Variants in BIRC6 observed in about 807,000 individuals in gnomAD.
BIRC6 encodes dual E2 ubiquitin-conjugating enzyme/E3 ubiquitin-protein ligase BIRC6.
Under a neutral mutation model 503.3 loss-of-function variants are expected in BIRC6, and 98 were observed. That is an observed-to-expected ratio of 0.19 (90% CI 0.17 to 0.23). BIRC6 has a LOEUF of 0.23. BIRC6 is among the 10% of genes least tolerant of loss of function. The pLI is 1.00. For synonymous variants in BIRC6, 2,240 were observed against 2,078.7 expected (o/e 1.08, Z -2.11); for missense variants, 5,360 against 5,806.0 (o/e 0.92, Z 2.50).
intron 32 of BIRC6, 35 bp from the exon 33 acceptor site, chr2:32,473,077 C>T: frequency 1.3e-6 from 2 of 1,511,354 alleles, no homozygotes; most frequent in South Asian, 1.3e-5. Flanking sequence ...TCACATTTAA[C>T]AGAATTATTA....
At chr2:32,373,987 G>C (rs966978724) in intron 1 of BIRC6, among the ~76,000 whole-genome samples, 1 of 152,162 alleles carries the variant, frequency 6.6e-6, no homozygotes, top group Non-Finnish European at 1.5e-5. Flanking sequence ...ATTCATGTGA[G>C]ATATTTAGAG....
At chr2:32,440,927 C>G (rs2045361254) in intron 16 of BIRC6, among the ~76,000 whole-genome samples, 7 of 151,748 alleles carry the variant, frequency 4.6e-5, no homozygotes, top group Admixed American at 3.9e-4. Flanking sequence ...GCTTGGCTAA[C>G]TTTTGTATTT....
At chr2:32,534,544 A>T (rs1431431161) in intron 61 of BIRC6, among the ~76,000 whole-genome samples, 1 of 151,732 alleles carries the variant, frequency 6.6e-6, no homozygotes, top group African/African-American at 2.4e-5. Context: ...CAGCCTGGCC[A>T]ACATGGTGAA....
At chr2:32,579,505 T>C (rs528811633) in intron 66 of BIRC6, among the ~76,000 whole-genome samples, 2 of 152,048 alleles carry the variant, frequency 1.3e-5, no homozygotes, top group South Asian at 4.1e-4. Flanking sequence ...CTTGGCAACA[T>C]AGGGAGACCC....
chr2:32,483,776 A>G (rs751559585), intron 39 of BIRC6, among the ~76,000 whole-genome samples: 1 of 152,172 alleles, frequency 6.6e-6, no homozygotes, highest in Non-Finnish European at 1.5e-5. Context: ...GAGTTAATGC[A>G]TCTTCGAAGG....
At chr2:32,360,781 A>T (rs1349571039) in intron 1 of BIRC6, among the ~76,000 whole-genome samples, 2 of 152,074 alleles carry the variant, frequency 1.3e-5, no homozygotes. Context: ...CATTTTATTT[A>T]GCTTTTTGTA....
chr2:32,599,600 T>C (rs550137639), intron 69 of BIRC6, 139 bp from the exon 70 acceptor site: 235 of 780,848 alleles, frequency 3.0e-4, no homozygotes, highest in Non-Finnish European at 4.2e-4. Context: ...ATTGCGCCAC[T>C]GCACTCCAGC....
Position 32,468,418 on chromosome 2 carries a change from C to T in BIRC6, c.5781-19C>T. 1 of 1,521,030 alleles carries T rather than the reference C, an allele frequency of 6.6e-7. No homozygotes were observed. The highest frequency in any genetic ancestry group is 2.1e-5 in the Admixed American group (1 of 47,158). 94.2% of individuals were successfully genotyped at this position (1,521,030 alleles called of 1,614,324 possible). On this transcript the variant is annotated intron_variant, in intron 28 of 73. Coordinates refer to ENST00000421745, the MANE Select transcript of BIRC6 (RefSeq NM_016252.4). The stretch of plus-strand genomic sequence containing the variant: ...AGGACATTACAAGAATTATTTTGTT[C>T]AATCTTTTTTTACTTTAGGTATAAC...
intron 49 of BIRC6, among the ~76,000 whole-genome samples, chr2:32,504,034 T>TTGGGTGTGTGTG (rs2053515196): frequency 1.3e-5 from 1 of 78,228 alleles, no homozygotes; most frequent in Non-Finnish European, 2.3e-5. Flanking sequence ...GGGGGGGTGT[T>TTGGGTGTGTGTG]TGTGTGTGTG....
intron 57 of BIRC6, among the ~76,000 whole-genome samples, chr2:32,524,038 T>G (rs939588767): frequency 3.0e-5 from 4 of 132,002 alleles, no homozygotes; most frequent in Admixed American, 3.0e-4. Flanking sequence ...AGCGAGACCT[T>G]ATCTTAAAAA....
chr2:32,461,106 T>C (rs566054532), intron 23 of BIRC6, among the ~76,000 whole-genome samples: 1 of 7,860 alleles, frequency 1.3e-4, no homozygotes, highest in Non-Finnish European at 2.5e-4. Context: ...TCCTCTCCTC[T>C]CCTCTCCTCT....
At chr2:32,409,118 A>G (rs2041572528) in intron 9 of BIRC6, among the ~76,000 whole-genome samples, 1 of 152,160 alleles carries the variant, frequency 6.6e-6, no homozygotes, top group South Asian at 2.1e-4. Context: ...GGATGATACA[A>G]TCTGAAGAAT....
In BIRC6 at chr2:32,484,547, A is replaced by C. The variant is rs184540940; in HGVS notation, c.7697-1096A>C. ...GCCTGGACGATAGAGCAAAACTCCAACTCAAAAAAAAAAAAAAAAGAAAGA... is the reference window on the plus strand; with the variant it reads ...GCCTGGACGATAGAGCAAAACTCCACCTCAAAAAAAAAAAAAAAAGAAAGA... On this transcript the variant is annotated intron_variant, in intron 39 of 73. Transcript: ENST00000421745. 5.1e-4 allele frequency among the ~76,000 whole-genome samples: 75 copies of C among 146,660 alleles called. No individual in the cohort carries two copies. In the East Asian group the frequency reaches 0.014, roughly 28 times the overall value.
At position 32,392,188 on chromosome 2, in the gene BIRC6, G is replaced by T. The variant is rs776771413; in HGVS notation, c.951+38G>T. Reference sequence around the variant, plus strand: ...TATAAAAAAATACTTTTCTCAGTAGGCCTTTGTAGCCCTCAGCAAAATTAT... The same window carrying T: ...TATAAAAAAATACTTTTCTCAGTAGTCCTTTGTAGCCCTCAGCAAAATTAT... On this transcript the variant is annotated intron_variant, in intron 5 of 73. Coordinates refer to ENST00000421745, the MANE Select transcript of BIRC6 (RefSeq NM_016252.4). 2.2e-6 allele frequency: 3 copies of T among 1,356,178 alleles called. No individual in the cohort carries two copies. The South Asian group carries it at 4.0e-5, about 18-fold the overall frequency. The allele number at this position is 1,356,178 out of a possible 1,614,324, so 84.0% of individuals were successfully genotyped here.
chr2:32,595,575 C>G (rs914269607), intron 68 of BIRC6, among the ~76,000 whole-genome samples: 2 of 152,196 alleles, frequency 1.3e-5, no homozygotes, highest in Non-Finnish European at 2.9e-5. Context: ...CATTCCAAAA[C>G]TCTTGACAAG....
rs1399157037 is a variant in BIRC6, at chr2:32,415,746, A to T, written c.2455A>T (p.Asn819Tyr). ...TTTAATAATTCAGCCTGAGCAGAGG[A>T]ATGTTAGTGGTGGATATTTAGTGCT... ...TPLIIQPEQR[N>Y]VSGGYLVLYK... The change falls in exon 10 of 74, where the codon AAT becomes TAT. Residue 819 changes from asparagine to tyrosine, a missense_variant. By Grantham distance (143) the Asn-to-Tyr change is moderately radical (BLOSUM62 -2). This residue lies in a region of BIRC6 where 700 missense variants were observed against 739.3 expected (regional missense o/e 0.95). Coordinates refer to ENST00000421745, the MANE Select transcript of BIRC6 (RefSeq NM_016252.4). 6.2e-7 allele frequency: 1 copy of T among 1,613,758 alleles called. No homozygotes were observed. The highest frequency in any genetic ancestry group is 8.5e-7 in the Non-Finnish European group (1 of 1,179,800).
intron 1 of BIRC6, among the ~76,000 whole-genome samples, chr2:32,367,517 G>T (rs756697138): frequency 6.6e-6 from 1 of 151,852 alleles, no homozygotes; most frequent in Non-Finnish European, 1.5e-5. Flanking sequence ...CTGGGACAGC[G>T]CTGTTAAAAA....
chr2:32,612,909 C>T (rs1001705876), intron 73 of BIRC6, among the ~76,000 whole-genome samples: 4 of 152,150 alleles, frequency 2.6e-5, no homozygotes, highest in East Asian at 1.9e-4. Flanking sequence ...CTTCTTTCAC[C>T]GTCAGACTAT....
chr2:32,459,787 T>A (rs1439516445), intron 23 of BIRC6, among the ~76,000 whole-genome samples: 3 of 152,020 alleles, frequency 2.0e-5, no homozygotes, highest in African/African-American at 7.2e-5. Context: ...TTACATTTTT[T>A]TTTTTAGATT....
Sources: gnomAD v4.1 joint callset for allele counts (sites outside exome capture counted in the v4.1 genomes callset) on GRCh38, gnomAD v4.1.1 for gene constraint, gnomAD v4.1.1 regional missense constraint, MANE v1.5 for transcripts, NCBI Gene and HGNC (gene_info 2026-07-23, HGNC 2026-07-21) for gene names.